EPM2A: variants seen among roughly 807,000 people sequenced by gnomAD.
EPM2A encodes EPM2A glucan phosphatase, laforin.
A neutral mutation model predicts 26.5 loss-of-function variants in EPM2A; 21 were observed. The ratio of observed to expected loss-of-function variants is 0.79; its 90% CI spans 0.56 to 1.14. EPM2A has a LOEUF of 1.14. Ranked by LOEUF, EPM2A falls within the 50% of genes most tolerant of loss-of-function variation. EPM2A has a pLI of 0.00. For synonymous variants in EPM2A, 217 were observed against 177.6 expected, an observed-to-expected ratio of 1.22 and a Z score of -1.76; for missense variants, 458 against 440.8, an observed-to-expected ratio of 1.04 and a Z score of -0.35.
chr6:145,578,324 GC>G (rs1466863804), intron 2 of EPM2A, among the ~76,000 whole-genome samples: 1 of 151,842 alleles, frequency 6.6e-6, no homozygotes, highest in African/African-American at 2.4e-5. Context: ...AAAGAGAAGA[GC>G]CAAATAAATA....
In EPM2A at chr6:145,732,236, T is replaced by TGTGTGTGCGC. The variant is rs374032616; in HGVS notation, c.301+2961_301+2962insGCGCACACAC. Among the ~76,000 whole-genome samples, 15 of 132,222 alleles carry TGTGTGTGCGC rather than the reference T, an allele frequency of 1.1e-4. No homozygotes were observed. The East Asian group carries it at 2.2e-3, about 19-fold the overall frequency. 86.7% of individuals were successfully genotyped at this position (132,222 alleles called of 152,430 possible). A position where few individuals can be genotyped will look rare whatever the true frequency, so the allele number is the denominator to read the frequency against. ...GTGTGTGTGTGTGTGTGTGTGTGTG[T>TGTGTGTGCGC]GCGCGCCAAAGTAAGGAAGGGAGAG... is the stretch of plus-strand genomic sequence containing the variant. On this transcript the variant is annotated intron_variant, in intron 1 of 3. Coordinates refer to ENST00000367519, the MANE Select transcript of EPM2A (RefSeq NM_005670.4).
chr6:145,567,255 T>G (rs1780896287), intron 2 of EPM2A, among the ~76,000 whole-genome samples: 1 of 152,228 alleles, frequency 6.6e-6, no homozygotes, highest in South Asian at 2.1e-4. Context: ...GGAAAGTTCT[T>G]CCTTAAGAAC....
chr6:145,597,655 T>C (rs1283737078), intron 2 of EPM2A, among the ~76,000 whole-genome samples: 1 of 152,074 alleles, frequency 6.6e-6, no homozygotes, highest in Non-Finnish European at 1.5e-5. Context: ...TGGGGATGTG[T>C]TGTACAGATT....
chr6:145,400,448 T>C (rs1326505709), intron 4 of EPM2A, among the ~76,000 whole-genome samples: 1 of 152,152 alleles, frequency 6.6e-6, no homozygotes, highest in Non-Finnish European at 1.5e-5. Flanking sequence ...TCAAAAGATT[T>C]GTTCTACTGA....
chr6:145,695,811 G>A (rs769196996), intron 1 of EPM2A, among the ~76,000 whole-genome samples: 15 of 151,964 alleles, frequency 9.9e-5, no homozygotes, highest in Non-Finnish European at 1.5e-4. Flanking sequence ...CAATCTGAAC[G>A]GAGAGATAGA....
At chr6:145,591,678 A>C (rs1300844613) in intron 2 of EPM2A, among the ~76,000 whole-genome samples, 1 of 152,158 alleles carries the variant, frequency 6.6e-6, no homozygotes. Context: ...CTGCACCGTA[A>C]GAAACGTTAA....
intron 4 of EPM2A, chr6:145,490,789 G>A (rs954846942): frequency 7.0e-6 from 4 of 571,390 alleles, no homozygotes; most frequent in Non-Finnish European, 1.0e-5. Flanking sequence ...CCACAGTTTC[G>A]ATACTTTCTA....
At chr6:145,619,831 T>G (rs1775593894) in intron 2 of EPM2A, among the ~76,000 whole-genome samples, 1 of 152,162 alleles carries the variant, frequency 6.6e-6, no homozygotes, top group Non-Finnish European at 1.5e-5. Flanking sequence ...CATAAGTCAG[T>G]GTTAAAGTTC....
intron 4 of EPM2A, among the ~76,000 whole-genome samples, chr6:145,443,644 GT>G (rs1307169335): frequency 6.6e-6 from 1 of 152,194 alleles, no homozygotes; most frequent in East Asian, 1.9e-4. Flanking sequence ...AGACTATGGG[GT>G]TTTTTTAGAT....
At chr6:145,402,496 A>C (rs1032819367) in intron 4 of EPM2A, among the ~76,000 whole-genome samples, 3 of 152,130 alleles carry the variant, frequency 2.0e-5, no homozygotes, top group African/African-American at 7.2e-5. Flanking sequence ...CAATTGACAA[A>C]ATTTGCATAG....
intron 4 of EPM2A, among the ~76,000 whole-genome samples, chr6:145,416,914 T>C (rs1331959265): frequency 6.6e-6 from 1 of 152,106 alleles, no homozygotes; most frequent in Non-Finnish European, 1.5e-5. Flanking sequence ...ATATATCTTG[T>C]GAAAAGAAAG....
chr6:145,695,522 A>G (rs1387230127), intron 1 of EPM2A, among the ~76,000 whole-genome samples: 2 of 152,002 alleles, frequency 1.3e-5, no homozygotes. Context: ...TGAAAAAGCA[A>G]AACATAACTA....
At chr6:145,708,637 C>CCCAG (rs907856068) in intron 1 of EPM2A, among the ~76,000 whole-genome samples, 9 of 152,202 alleles carry the variant, frequency 5.9e-5, no homozygotes, top group Admixed American at 4.6e-4. Flanking sequence ...GTATGAAAAG[C>CCCAG]CTGGATGCCC....
intron 2 of EPM2A, among the ~76,000 whole-genome samples, chr6:145,673,399 C>T (rs988494286): frequency 1.3e-5 from 2 of 152,180 alleles, no homozygotes; most frequent in Non-Finnish European, 2.9e-5. Context: ...AACTGAGGTA[C>T]CTGGTTCATC....
chr6:145,688,063 T>C (rs1243804577), intron 1 of EPM2A, among the ~76,000 whole-genome samples: 1 of 152,190 alleles, frequency 6.6e-6, no homozygotes, highest in Non-Finnish European at 1.5e-5. Flanking sequence ...TTCATTCTTC[T>C]ACAGATATTT....
chr6:145,499,840 T>A (rs938676021), downstream of EPM2A, among the ~76,000 whole-genome samples: 14 of 152,232 alleles, frequency 9.2e-5, no homozygotes, highest in Non-Finnish European at 1.9e-4. Flanking sequence ...GAAAAATGAA[T>A]TAATTTAACC....
chr6:145,441,914 AC>A (rs1175546785), intron 4 of EPM2A, among the ~76,000 whole-genome samples: 3 of 152,226 alleles, frequency 2.0e-5, no homozygotes, highest in African/African-American at 7.2e-5. Context: ...CTTTAACATC[AC>A]CTAAGTCACC....
At chr6:145,587,127 A>G (rs1373685666) in intron 2 of EPM2A, among the ~76,000 whole-genome samples, 1 of 152,284 alleles carries the variant, frequency 6.6e-6, no homozygotes, top group Non-Finnish European at 1.5e-5. Context: ...TATGTCACCT[A>G]GACTGTTACA....
intron 1 of EPM2A, among the ~76,000 whole-genome samples, chr6:145,713,129 C>T (rs1775428831): frequency 6.6e-6 from 1 of 152,168 alleles, no homozygotes; most frequent in South Asian, 2.1e-4. Flanking sequence ...TGTGTTAGTA[C>T]ATCTTTTCCT....
Sources: allele counts gnomAD v4.1 joint callset (sites outside exome capture counted in the v4.1 genomes callset), GRCh38; gene constraint gnomAD v4.1.1; transcripts MANE v1.5; gene names NCBI Gene and HGNC (gene_info 2026-07-23, HGNC 2026-07-21).